EYA4: variants seen among roughly 807,000 people sequenced by gnomAD.
EYA4 encodes protein phosphatase EYA4.
EYA4 carries 31 observed loss-of-function variants against 87.9 expected under a neutral mutation model. That is an observed-to-expected ratio of 0.35 (90% confidence interval 0.27 to 0.48). The LOEUF (loss-of-function observed/expected upper bound fraction) is 0.48, where lower values mean the gene tolerates loss of function less well. Among genes scored for constraint, EYA4 ranks in the 20% least tolerant of loss-of-function variants. EYA4 has a pLI of 0.99. For missense variants in EYA4, 678 were observed against 761.4 expected (o/e 0.89, Z 1.29); for synonymous variants, 263 against 270.6 (o/e 0.97, Z 0.28).
chr6:133,446,164 T>G (rs1274247009), intron 3 of EYA4, among the ~76,000 whole-genome samples: 1 of 152,050 alleles, frequency 6.6e-6, no homozygotes, highest in African/African-American at 2.4e-5. Context: ...TAATTAAACA[T>G]TTTCAGCTCT....
At chr6:133,344,532 A>T in intron 2 of EYA4, among the ~76,000 whole-genome samples, 1 of 152,192 alleles carries the variant, frequency 6.6e-6, no homozygotes, top group East Asian at 1.9e-4. Flanking sequence ...GATATGGTCC[A>T]TTTATACTTG....
At chr6:133,419,068 A>G (rs1426966700) in intron 3 of EYA4, among the ~76,000 whole-genome samples, 2 of 152,172 alleles carry the variant, frequency 1.3e-5, no homozygotes, top group Admixed American at 6.5e-5. Flanking sequence ...TAGAAAGTCA[A>G]TATTCCTTTC....
chr6:133,250,329 T>C (rs1367459858), intron 1 of EYA4, among the ~76,000 whole-genome samples: 3 of 152,094 alleles, frequency 2.0e-5, no homozygotes, highest in East Asian at 1.9e-4. Flanking sequence ...TCAGTTCTTA[T>C]AGCACAGTGA....
rs1199711159 is a variant in EYA4 at position 133,525,223 on chromosome 6, A to G, written c.1808A>G (p.Asp603Gly). 6.2e-7 allele frequency: 1 copy of G among 1,613,670 alleles called. No homozygotes were observed. The highest frequency in any genetic ancestry group is 1.7e-5 in the Admixed American group (1 of 59,936). ...GRKVVYVVIGDGVEEEQAAKK... is the reference protein window; with the variant it reads ...GRKVVYVVIGGGVEEEQAAKK... ...AAAGTAGTGTATGTTGTAATTGGGG[A>G]TGGTGTAGAAGAAGAACAGGCAGCA... is the stretch of plus-strand genomic sequence containing the variant. Residue 603 changes from aspartate (D) to glycine (G), a missense_variant, in exon 19 of 20, where the codon GAT (aspartate) becomes GGT (glycine). Asp to Gly is a moderately conservative substitution (Grantham distance 94). Transcript: ENST00000355286.
At chr6:133,450,200 C>T (rs540750729) in intron 5 of EYA4, among the ~76,000 whole-genome samples, 2 of 151,932 alleles carry the variant, frequency 1.3e-5, no homozygotes, top group East Asian at 2.0e-4. Context: ...TTAGCCAGGG[C>T]GGTCTCGATC....
chr6:133,258,171 G>A (rs1476728664), intron 1 of EYA4, among the ~76,000 whole-genome samples: 3 of 152,094 alleles, frequency 2.0e-5, no homozygotes, highest in Admixed American at 6.5e-5. Context: ...CAAGAACTTG[G>A]CTGAAGCCCT....
intron 2 of EYA4, among the ~76,000 whole-genome samples, chr6:133,317,092 A>G (rs1024669108): frequency 6.6e-6 from 1 of 152,224 alleles, no homozygotes; most frequent in African/African-American, 2.4e-5. Context: ...TCTACACCAG[A>G]TGGTGTTCTC....
At chr6:133,462,148 C>T in intron 7 of EYA4, 187 bp from the exon 8 acceptor site, 1 of 676,832 alleles carries the variant, frequency 1.5e-6, no homozygotes, top group Non-Finnish European at 2.6e-6. Flanking sequence ...TCTATGGTCA[C>T]TAGATTGGCT....
chr6:133,481,833 T>G (rs2128708271), intron 12 of EYA4, among the ~76,000 whole-genome samples: 1 of 152,352 alleles, frequency 6.6e-6, no homozygotes, highest in East Asian at 1.9e-4. Context: ...TTACAGATTA[T>G]TGGCCTGAGA....
intron 3 of EYA4, among the ~76,000 whole-genome samples, chr6:133,442,039 T>C (rs1792358135): frequency 6.6e-6 from 1 of 152,030 alleles, no homozygotes; most frequent in African/African-American, 2.4e-5. Flanking sequence ...CATATAAATA[T>C]TTATATACCT....
At chr6:133,330,608 G>C (rs980609966) in intron 2 of EYA4, among the ~76,000 whole-genome samples, 1 of 149,684 alleles carries the variant, frequency 6.7e-6, no homozygotes, top group African/African-American at 2.5e-5. Flanking sequence ...TTTTTGGGGG[G>C]GATAAGAAGC....
At chr6:133,322,217 A>G (rs1002992926) in intron 2 of EYA4, among the ~76,000 whole-genome samples, 3 of 152,186 alleles carry the variant, frequency 2.0e-5, no homozygotes, top group African/African-American at 7.2e-5. Context: ...ACACCCAGAT[A>G]CCTTTGAGAG....
At chr6:133,248,380 T>C (rs1163036944) in intron 1 of EYA4, 3 of 152,190 alleles carry the variant, frequency 2.0e-5, no homozygotes, top group Admixed American at 6.5e-5. Flanking sequence ...AAAGCAACAG[T>C]ACAGAGTTTG....
intron 2 of EYA4, among the ~76,000 whole-genome samples, chr6:133,318,718 C>T (rs765796787): frequency 2.6e-5 from 4 of 151,504 alleles, no homozygotes; most frequent in Non-Finnish European, 5.9e-5. Context: ...TGAGTGGGTT[C>T]TGTGCCTCTA....
At chr6:133,302,974 A>G (rs1322750889) in intron 2 of EYA4, among the ~76,000 whole-genome samples, 1 of 152,216 alleles carries the variant, frequency 6.6e-6, no homozygotes, top group African/African-American at 2.4e-5. Context: ...CAGCTGCTTA[A>G]CTCTGCTATT....
chr6:133,455,277 A>G (rs1793805534), intron 5 of EYA4, among the ~76,000 whole-genome samples: 1 of 152,050 alleles, frequency 6.6e-6, no homozygotes, highest in South Asian at 2.1e-4. Context: ...TAATTAGACT[A>G]CTCTTCAGAT....
At chr6:133,306,948 G>A (rs145904058) in intron 2 of EYA4, among the ~76,000 whole-genome samples, 14 of 152,266 alleles carry the variant, frequency 9.2e-5, no homozygotes, top group Admixed American at 2.0e-4. Context: ...TGTTATTTTT[G>A]TAGTGGGGCA....
chr6:133,338,415 A>G (rs1782536608), intron 2 of EYA4, among the ~76,000 whole-genome samples: 1 of 152,186 alleles, frequency 6.6e-6, no homozygotes, highest in Non-Finnish European at 1.5e-5. Context: ...ATAGTTCTTC[A>G]ATGAGAGGTA....
At chr6:133,519,266 A>G (rs1436267795) in intron 17 of EYA4, among the ~76,000 whole-genome samples, 1 of 150,864 alleles carries the variant, frequency 6.6e-6, no homozygotes, top group African/African-American at 2.4e-5. Context: ...TAATAAAGAA[A>G]AAAAGAGAGA....
Sources: allele counts gnomAD v4.1 joint callset (sites outside exome capture counted in the v4.1 genomes callset), GRCh38; gene constraint gnomAD v4.1.1; transcripts MANE v1.5; gene names NCBI Gene and HGNC (gene_info 2026-07-23, HGNC 2026-07-21).